Variants in CA9 observed in about 807,000 individuals in gnomAD.
CA9 encodes carbonic anhydrase 9.
CA9 carries 43 observed loss-of-function variants against 51.8 expected under a neutral mutation model. That is an observed-to-expected ratio of 0.83 (90% CI 0.65 to 1.07). The LOEUF is 1.07. CA9 is among the 50% of genes least tolerant of loss of function. The pLI is 0.00. For missense variants in CA9, 574 were observed against 581.4 expected, an observed-to-expected ratio of 0.99 and a Z score of 0.13; for synonymous variants, 253 against 244.2, an observed-to-expected ratio of 1.04 and a Z score of -0.34.
At chr9:35,675,504 A>G in intron 1 of CA9, 34 bp from the exon 2 acceptor site, 1 of 1,613,644 alleles carries the variant, frequency 6.2e-7, no homozygotes, top group Non-Finnish European at 8.5e-7. Context: ...TTGGGGCTCT[A>G]AGCTTGAGCG....
Position 35,680,147 on chromosome 9 carries a change from T to C in CA9, c.1237+8T>C, listed in dbSNP as rs774396470. 1.9e-6 allele frequency: 3 copies of C among 1,614,244 alleles called. No homozygotes were observed. Among genetic ancestry groups the C allele is most frequent in the Non-Finnish European group, 2.5e-6 (3 of 1,180,054 alleles). On this transcript the variant is annotated splice_region_variant and intron_variant, in intron 9 of 10. Transcript: ENST00000378357. ...ATTCCTGCCTGGCTGCTGGTGAGTCTGCCCCTCCTCTTGGTCCTGATGCCA... is the reference window on the plus strand; with the variant it reads ...ATTCCTGCCTGGCTGCTGGTGAGTCCGCCCCTCCTCTTGGTCCTGATGCCA...
Position 35,675,456 on chromosome 9 carries a change from T to C in CA9, c.404-82T>C, listed in dbSNP as rs1248976057. 6 of 1,498,222 alleles carry C rather than the reference T, an allele frequency of 4.0e-6. No individual in the cohort carries two copies. The African/African-American group carries it at 5.5e-5, about 14-fold the overall frequency. 92.8% of individuals were successfully genotyped at this position (1,498,222 alleles called of 1,614,324 possible). A position where few individuals can be genotyped will look rare whatever the true frequency, so the allele number is the denominator to read the frequency against. ...TTACCCGTAATGCTCCTGTAAGGCATCTGCGTTTGTGACATCGTTTTGGTC... is the reference window on the plus strand; with the variant it reads ...TTACCCGTAATGCTCCTGTAAGGCACCTGCGTTTGTGACATCGTTTTGGTC... On this transcript the variant is annotated intron_variant, in intron 1 of 10. Coordinates refer to ENST00000378357, the MANE Select transcript of CA9 (RefSeq NM_001216.3).
chr9:35,674,401 G>T (rs1824378091), intron 1 of CA9, 39 bp downstream of exon 1: 5 of 1,566,580 alleles, frequency 3.2e-6, no homozygotes, highest in South Asian at 1.2e-5. Flanking sequence ...GTTCCAGGAG[G>T]TTCATGACTC....
In CA9 at chr9:35,677,795, C is replaced by T; in HGVS notation, c.846C>T (p.Gly282=). 6.2e-7 allele frequency: 1 copy of T among 1,613,886 alleles called. No individual in the cohort carries two copies. Among genetic ancestry groups the T allele is most frequent in the East Asian group, 2.2e-5 (1 of 44,882 alleles). ...LAVLAAFLEE[G]PEENSAYEQL... ...CTTACAATGTCATCCCCCAGGAGGG[C>T]CCGGAAGAAAACAGTGCCTATGAGC... The change falls in exon 6 of 11, where the codon GGC becomes GGT. Residue 282 remains glycine, a synonymous_variant. Transcript: ENST00000378357.
intron 6 of CA9, among the ~76,000 whole-genome samples, 169 bp downstream of exon 6, chr9:35,678,025 C>G (rs2131838575): frequency 6.6e-6 from 1 of 152,284 alleles, no homozygotes; most frequent in East Asian, 1.9e-4. Context: ...ACACAGTTAC[C>G]CGCAAACGGC....
chr9:35,677,849 T>C lies in CA9; in HGVS notation c.900T>C (p.Ala300=). The part of the protein sequence containing the change: ...EQLLSRLEEI[A]EEGSETQVPG... ...TGCTGTCTCGCTTGGAAGAAATCGC[T>C]GAGGAAGGTCAGTTTGTTGGTCTGG... is the stretch of plus-strand genomic sequence containing the variant. The change falls in exon 6 of 11, where the codon GCT becomes GCC. Residue 300 remains alanine (A), a synonymous_variant. Coordinates refer to ENST00000378357, the MANE Select transcript of CA9 (RefSeq NM_001216.3). 6.2e-7 allele frequency: 1 copy of C among 1,613,916 alleles called. No homozygotes were observed. Among genetic ancestry groups the C allele is most frequent in the Non-Finnish European group, 8.5e-7 (1 of 1,179,850 alleles).
Position 35,675,906 on chromosome 9 carries a change from G to T in CA9, c.579G>T (p.Leu193=). 6.2e-7 allele frequency: 1 copy of T among 1,608,788 alleles called. No individual in the cohort carries two copies. ...LGFQLPPLPE[L]RLRNNGHSVQ... is the part of the protein sequence containing the mutation. ...TCCAGCTCCCGCCGCTCCCAGAACT[G>T]CGCCTGCGCAACAATGGCCACAGTG... The change falls in exon 3 of 11, where the codon CTG becomes CTT. Residue 193 remains leucine, a synonymous_variant. Coordinates refer to ENST00000378357, the MANE Select transcript of CA9 (RefSeq NM_001216.3).
Position 35,675,825 on chromosome 9 carries a change from C to T in CA9, c.498C>T (p.Ile166=), listed in dbSNP as rs754300207. Residue 166 remains isoleucine (I), a synonymous_variant, in exon 3 of 11, where the codon ATC becomes ATT. Coordinates refer to ENST00000378357, the MANE Select transcript of CA9 (RefSeq NM_001216.3). ...CAGRFQSPVD[I]RPQLAAFCPA... is the part of the protein sequence containing the mutation. The stretch of plus-strand genomic sequence containing the variant: ...GCCGCTTCCAGTCCCCGGTGGATAT[C>T]CGCCCCCAGCTCGCCGCCTTCTGCC... 6.9e-6 allele frequency: 11 copies of T among 1,603,744 alleles called. No individual in the cohort carries two copies. Among genetic ancestry groups the T allele is most frequent in the Non-Finnish European group, 9.3e-6 (11 of 1,179,460 alleles).
chr9:35,679,079 A>T, intron 6 of CA9, 106 bp from the exon 7 acceptor site: 1 of 1,225,600 alleles, frequency 8.2e-7, no homozygotes, highest in Non-Finnish European at 1.2e-6. Flanking sequence ...AAGTGGTCTC[A>T]GAGTTGAGTT....
rs1433545755 is a variant in CA9, at chr9:35,679,082, G to A, written c.908-103G>A. 7 of 1,277,458 alleles carry A rather than the reference G, an allele frequency of 5.5e-6. No homozygotes were observed. In the Admixed American group the frequency reaches 1.0e-4, roughly 19 times the overall value. 79.1% of individuals were successfully genotyped at this position (1,277,458 alleles called of 1,614,324 possible). ...CACTTAGCGAAGAAGTGGTCTCAGA[G>A]TTGAGTTACCTTGGCTTCTGGGAGG... On this transcript the variant is annotated intron_variant, in intron 6 of 10. Coordinates refer to ENST00000378357, the MANE Select transcript of CA9 (RefSeq NM_001216.3).
intron 6 of CA9, among the ~76,000 whole-genome samples, chr9:35,678,695 C>CTTTTTTTTT (rs746454806): frequency 1.5e-4 from 19 of 129,884 alleles, no homozygotes; most frequent in African/African-American, 2.6e-4. Flanking sequence ...TTTTTCTTTT[C>CTTTTTTTTT]TTTTCTTTTT....
chr9:35,675,470 A>G (rs1279330536), intron 1 of CA9, 68 bp from the exon 2 acceptor site: 3 of 1,575,180 alleles, frequency 1.9e-6, no homozygotes, highest in Admixed American at 3.3e-5. Context: ...CGTTTGTGAC[A>G]TCGTTTTGGT....
chr9:35,680,967 G>C lies in CA9; in HGVS notation c.1322G>C (p.Arg441Thr). ...CCTTTCCTGTTGTGTACACACAGAA[G>C]GGGAACCAAAGGGGGTGTGAGCTAC... ...FLVQMRRQHR[R>T]GTKGGVSYRP... Residue 441 changes from arginine (R) to threonine (T), a missense_variant and splice_region_variant, in exon 11 of 11, where the codon AGG (arginine) becomes ACG (threonine). Physicochemically the swap from Arg to Thr is moderately conservative, Grantham distance 71. Transcript: ENST00000378357. 6.2e-7 allele frequency: 1 copy of C among 1,614,086 alleles called. No individual in the cohort carries two copies. Among genetic ancestry groups the C allele is most frequent in the Non-Finnish European group, 8.5e-7 (1 of 1,179,994 alleles).
rs369787811 is a variant in CA9, at chr9:35,678,446, G to A, written c.907+590G>A. Among the ~76,000 whole-genome samples the A allele has an allele frequency of 1.3e-4, 20 of 151,716 alleles. 1 individual carries two copies. The East Asian group carries it at 1.7e-3, about 13-fold the overall frequency. On this transcript the variant is annotated intron_variant, in intron 6 of 10. Coordinates refer to ENST00000378357, the MANE Select transcript of CA9 (RefSeq NM_001216.3). The stretch of plus-strand genomic sequence containing the variant: ...TGGAATTGTCAAGGTCAAGTCTGGA[G>A]AGCTAAACTTTTTCTGAGAACTGTT...
At chr9:35,675,658 T>TGCCCCCCCCCCCCC in intron 2 of CA9, 91 bp downstream of exon 2, 1 of 1,407,090 alleles carries the variant, frequency 7.1e-7, no homozygotes, top group South Asian at 1.2e-5. Context: ...GTCCCGGGCG[T>TGCCCCCCCCCCCCC]CCCACCCGCC....
intron 9 of CA9, among the ~76,000 whole-genome samples, chr9:35,680,340 C>G (rs3750431): frequency 0.2 from 29,845 of 151,588 alleles, 3,609 homozygotes; most frequent in Non-Finnish European, 0.26. Context: ...TGAGAAATCT[C>G]CCAGCATCCC....
At chr9:35,678,868 T>C (rs1327078373) in intron 6 of CA9, among the ~76,000 whole-genome samples, 4 of 152,172 alleles carry the variant, frequency 2.6e-5, no homozygotes, top group African/African-American at 4.8e-5. Context: ...CAGCACTTTA[T>C]GATGGTACAC....
rs773032695 is a variant in CA9, at chr9:35,676,192, C to T, written c.733C>T (p.Arg245Cys). ...CTCGGAGCACACTGTGGAAGGCCACCGTTTCCCTGCCGAGGTGAGCGCGGA... is the reference window on the plus strand; with the variant it reads ...CTCGGAGCACACTGTGGAAGGCCACTGTTTCCCTGCCGAGGTGAGCGCGGA... ...PGSEHTVEGH[R>C]FPAEIHVVHL... Residue 245 changes from arginine to cysteine, a missense_variant, in exon 4 of 11, where the codon CGT becomes TGT. By Grantham distance (180) the Arg-to-Cys change is radical. Transcript: ENST00000378357. The T allele has an allele frequency of 3.1e-6, 5 of 1,611,574 alleles. 1 individual carries two copies. Among genetic ancestry groups the T allele is most frequent in the Middle Eastern group, 3.3e-4 (2 of 6,068 alleles).
At chr9:35,675,255 A>C in intron 1 of CA9, 1 of 483,672 alleles carries the variant, frequency 2.1e-6, no homozygotes, top group African/African-American at 2.0e-5. Context: ...TGGCCTCCCA[A>C]AGTGCTGGGA....
Sources: gnomAD v4.1 joint callset for allele counts (sites outside exome capture counted in the v4.1 genomes callset) on GRCh38, gnomAD v4.1.1 for gene constraint, MANE v1.5 for transcripts, NCBI Gene and HGNC (gene_info 2026-07-23, HGNC 2026-07-21) for gene names.